ATP8A2: variants seen among roughly 807,000 people sequenced by gnomAD.
ATP8A2 encodes the protein phospholipid-transporting ATPase IB.
Under a neutral mutation model 165.6 loss-of-function variants are expected in ATP8A2, and 100 were observed. The ratio of observed to expected loss-of-function variants is 0.60; its 90% CI spans 0.51 to 0.71. The LOEUF (loss-of-function observed/expected upper bound fraction) is 0.71, where lower values mean the gene tolerates loss of function less well. ATP8A2 is among the 30% of genes least tolerant of loss of function. The probability of loss-of-function intolerance (pLI) is 0.00; values close to 1 mark genes in which losing one functional copy is unlikely to be tolerated. For synonymous variants in ATP8A2, 543 were observed against 548.8 expected (o/e 0.99, Z 0.15); for missense variants, 1,227 against 1,479.5 (o/e 0.83, Z 2.80).
chr13:25,972,865 C>G (rs1420177275), intron 35 of ATP8A2, among the ~76,000 whole-genome samples: 3 of 151,924 alleles, frequency 2.0e-5, no homozygotes, highest in Admixed American at 2.0e-4. Context: ...ACTTTTGTTC[C>G]TTAATTTTTT....
intron 2 of ATP8A2, among the ~76,000 whole-genome samples, chr13:25,486,378 C>CT (rs150388790): frequency 0.038 from 5,844 of 152,148 alleles, 146 homozygotes; most frequent in Non-Finnish European, 0.051. Context: ...AACCATAGTA[C>CT]TTTTTATATA....
At chr13:25,850,811 G>A (rs1951988703) in intron 30 of ATP8A2, among the ~76,000 whole-genome samples, 1 of 152,230 alleles carries the variant, frequency 6.6e-6, no homozygotes, top group Admixed American at 6.5e-5. Flanking sequence ...ACAGCAAGCT[G>A]TAGCTTGGAA....
At position 25,513,943 on chromosome 13, in the gene ATP8A2, C is replaced by T. The variant is rs537155023; in HGVS notation, c.222-16056C>T. Among the ~76,000 whole-genome samples the T allele has an allele frequency of 1.0e-4, 12 of 115,796 alleles. No homozygotes were observed. In the East Asian group the frequency reaches 1.5e-3, roughly 14 times the overall value. The allele number at this position is 115,796 out of a possible 152,430, so 76.0% of individuals were successfully genotyped here. A position where few individuals can be genotyped will look rare whatever the true frequency, so the allele number is the denominator to read the frequency against. On this transcript the variant is annotated intron_variant, in intron 2 of 36. Coordinates refer to ENST00000381655, the MANE Select transcript of ATP8A2 (RefSeq NM_016529.6). ...CTTTGGCTCGGCATCAGAGGGAGAC[C>T]GTGGAAAGAGAGGGAGAGGGAGACC... is the stretch of plus-strand genomic sequence containing the variant.
rs144329332 is a variant in ATP8A2, at chr13:25,684,197, T to G, written c.2212-14976T>G. ...ACTGCGCTTAGCAGAGTGGGAAGTT[T>G]GTATGTTTCAGGTTTACTGTGTGAA... On this transcript the variant is annotated intron_variant, in intron 24 of 36. Transcript: ENST00000381655. Among the ~76,000 whole-genome samples, 93 of 152,350 alleles carry G rather than the reference T, an allele frequency of 6.1e-4. 1 individual carries two copies. Among genetic ancestry groups the G allele is most frequent in the African/African-American group, 2.0e-3 (82 of 41,592 alleles).
intron 35 of ATP8A2, among the ~76,000 whole-genome samples, chr13:25,969,513 C>G (rs1219565817): frequency 6.6e-6 from 1 of 152,150 alleles, no homozygotes; most frequent in Non-Finnish European, 1.5e-5. Flanking sequence ...ATCAAGAAAT[C>G]AAATACTTAT....
intron 27 of ATP8A2, among the ~76,000 whole-genome samples, chr13:25,820,284 G>T (rs1951144437): frequency 6.6e-6 from 1 of 152,140 alleles, no homozygotes; most frequent in South Asian, 2.1e-4. Flanking sequence ...GGGTCAGTTT[G>T]CTCATAACAA....
chr13:25,560,717 A>C (rs1191468587), intron 15 of ATP8A2, among the ~76,000 whole-genome samples: 1 of 151,276 alleles, frequency 6.6e-6, no homozygotes, highest in East Asian at 1.9e-4. Context: ...AAAAAAAAAA[A>C]AAAAAAAGAC....
At chr13:25,812,635 A>C (rs1490753065) in intron 27 of ATP8A2, among the ~76,000 whole-genome samples, 1 of 151,112 alleles carries the variant, frequency 6.6e-6, no homozygotes, top group Non-Finnish European at 1.5e-5. Context: ...AAAATTAAGT[A>C]AGATTTCCAT....
chr13:25,691,500 A>C (rs1024764788), intron 24 of ATP8A2, among the ~76,000 whole-genome samples: 1 of 152,214 alleles, frequency 6.6e-6, no homozygotes, highest in African/African-American at 2.4e-5. Flanking sequence ...TGTGGGAGGT[A>C]GGGATGGCCA....
intron 33 of ATP8A2, among the ~76,000 whole-genome samples, chr13:25,875,505 CAG>C (rs1207710344): frequency 6.6e-6 from 1 of 151,834 alleles, no homozygotes; most frequent in East Asian, 1.9e-4. Flanking sequence ...TTAACACAAA[CAG>C]ATGCCAAGTA....
intron 27 of ATP8A2, among the ~76,000 whole-genome samples, chr13:25,803,953 AAGT>A (rs1950674802): frequency 6.6e-6 from 1 of 152,214 alleles, no homozygotes; most frequent in South Asian, 2.1e-4. Context: ...GCACACACTG[AAGT>A]AGTATGACAA....
chr13:25,441,150 A>G (rs1230001317), intron 1 of ATP8A2, among the ~76,000 whole-genome samples: 2 of 152,206 alleles, frequency 1.3e-5, no homozygotes, highest in African/African-American at 4.8e-5. Flanking sequence ...CAGTTTAAAT[A>G]CCACGCTTAA....
intron 25 of ATP8A2, among the ~76,000 whole-genome samples, chr13:25,737,769 A>C (rs554090724): frequency 6.6e-6 from 1 of 152,062 alleles, no homozygotes; most frequent in East Asian, 1.9e-4. Flanking sequence ...TGCAAGCTCC[A>C]CCTCCCAGGT....
At chr13:25,735,635 G>A (rs941458427) in intron 25 of ATP8A2, among the ~76,000 whole-genome samples, 2 of 152,104 alleles carry the variant, frequency 1.3e-5, no homozygotes, top group African/African-American at 4.8e-5. Flanking sequence ...TAAGTCAGGA[G>A]GATAAGGGAA....
At chr13:25,532,397 G>A (rs920469381) in intron 5 of ATP8A2, 80 bp downstream of exon 5, 4 of 941,834 alleles carry the variant, frequency 4.2e-6, no homozygotes, top group African/African-American at 1.7e-5. Context: ...TAAATAAGTA[G>A]TGAATGGTAT....
At chr13:25,505,088 G>T (rs1228134564) in intron 2 of ATP8A2, among the ~76,000 whole-genome samples, 2 of 151,144 alleles carry the variant, frequency 1.3e-5, no homozygotes, top group Non-Finnish European at 2.9e-5. Context: ...GTATGTGTTG[G>T]TTTTAGAATT....
intron 24 of ATP8A2, among the ~76,000 whole-genome samples, chr13:25,682,614 T>G (rs2042515927): frequency 6.6e-6 from 1 of 152,208 alleles, no homozygotes; most frequent in Admixed American, 6.5e-5. Context: ...TTGCTGAGTT[T>G]CTGCAGGCTG....
In ATP8A2 at chr13:25,545,490, T is replaced by C. The variant is rs189439433; in HGVS notation, c.891+2088T>C. On this transcript the variant is annotated intron_variant, in intron 10 of 36. Transcript: ENST00000381655. ...GAGTTTGAGACCAGCCTGGGTGACA[T>C]AGTGAGACCCCATTTCAAAAAAAAA... Among the ~76,000 whole-genome samples, 36 of 151,710 alleles carry C rather than the reference T, an allele frequency of 2.4e-4. No homozygotes were observed. The East Asian group carries it at 6.8e-3, about 29-fold the overall frequency.
chr13:25,397,231 T>A (rs946687058), intron 1 of ATP8A2, among the ~76,000 whole-genome samples: 2 of 152,214 alleles, frequency 1.3e-5, no homozygotes, highest in Non-Finnish European at 2.9e-5. Flanking sequence ...TCCAAGGCCA[T>A]GCAGACAGTT....
Sources: gnomAD v4.1 joint callset for allele counts (sites outside exome capture counted in the v4.1 genomes callset) on GRCh38, gnomAD v4.1.1 for gene constraint, MANE v1.5 for transcripts, NCBI Gene and HGNC (gene_info 2026-07-23, HGNC 2026-07-21) for gene names.